The following BACH2 variants were observed in gnomAD, a reference collection of about 807,000 sequenced individuals.
BACH2 encodes transcription regulator protein BACH2.
BACH2 carries 5 observed loss-of-function variants against 61.8 expected under a neutral mutation model. That is an observed-to-expected ratio of 0.08 (90% CI 0.04 to 0.17). BACH2 has a LOEUF of 0.17. BACH2 is among the 10% of genes least tolerant of loss of function. The probability of loss-of-function intolerance (pLI) is 1.00; values close to 1 mark genes in which losing one functional copy is unlikely to be tolerated. For missense variants in BACH2, 824 were observed against 1,091.1 expected, an observed-to-expected ratio of 0.76 and a Z score of 3.45; for synonymous variants, 446 against 440.1, an observed-to-expected ratio of 1.01 and a Z score of -0.17.
chr6:89,989,556 C>T (rs190852931), intron 6 of BACH2, among the ~76,000 whole-genome samples: 43 of 152,046 alleles, frequency 2.8e-4, no homozygotes, highest in Non-Finnish European at 4.3e-4. Context: ...GGATATCCTC[C>T]GGGCGTGGAG....
chr6:90,253,169 G>C (rs1582535202), intron 2 of BACH2, among the ~76,000 whole-genome samples: 1 of 152,126 alleles, frequency 6.6e-6, no homozygotes, highest in South Asian at 2.1e-4. Context: ...GCTTGAGCCT[G>C]GGAGGTGAAG....
intron 6 of BACH2, among the ~76,000 whole-genome samples, chr6:89,977,655 T>C (rs1775726179): frequency 6.6e-6 from 1 of 152,254 alleles, no homozygotes; most frequent in Non-Finnish European, 1.5e-5. Flanking sequence ...CTTAGATCTG[T>C]CAAGCTCTAT....
chr6:89,954,469 T>G (rs1337292659), intron 6 of BACH2, among the ~76,000 whole-genome samples: 2 of 90,566 alleles, frequency 2.2e-5, no homozygotes, highest in African/African-American at 4.5e-5. Flanking sequence ...CCCACAACAG[T>G]CCCCAGAGTG....
At chr6:90,295,301 T>C (rs1772306492) in intron 1 of BACH2, among the ~76,000 whole-genome samples, 1 of 151,524 alleles carries the variant, frequency 6.6e-6, no homozygotes, top group South Asian at 2.1e-4. Flanking sequence ...CGCGGGAGAG[T>C]GCTGGGGATG....
chr6:90,056,564 G>C lies in BACH2; in HGVS notation c.-13+32397C>G, dbSNP rs567201018. Among the ~76,000 whole-genome samples the C allele has an allele frequency of 2.2e-3, 329 of 152,052 alleles. 10 individuals are homozygous for C. Among genetic ancestry groups the C allele is most frequent in the Admixed American group, 0.021 (325 of 15,276 alleles). On this transcript the variant is annotated intron_variant, in intron 5 of 8. Transcript: ENST00000257749. ...CACTGTCAACATCAGACAGATCAAC[G>C]AGACAGAAAGTTAACAAGGATACCC... is the stretch of plus-strand genomic sequence containing the variant.
chr6:90,028,675 A>G (rs1778771261), intron 5 of BACH2, among the ~76,000 whole-genome samples: 1 of 152,226 alleles, frequency 6.6e-6, no homozygotes, highest in African/African-American at 2.4e-5. Context: ...CGTGGGAAAC[A>G]GAATGACTCC....
At chr6:90,035,393 A>G (rs1779213549) in intron 5 of BACH2, among the ~76,000 whole-genome samples, 2 of 152,180 alleles carry the variant, frequency 1.3e-5, no homozygotes, top group African/African-American at 4.8e-5. Context: ...CAAGTGAACT[A>G]AACATACAGT....
At chr6:90,232,297 G>A (rs755676188) in intron 3 of BACH2, among the ~76,000 whole-genome samples, 11 of 152,120 alleles carry the variant, frequency 7.2e-5, no homozygotes, top group Non-Finnish European at 1.5e-4. Context: ...CTGCAGGCAG[G>A]CTCAACCCAA....
chr6:90,058,924 T>G (rs1780527909), intron 5 of BACH2, among the ~76,000 whole-genome samples: 1 of 152,254 alleles, frequency 6.6e-6, no homozygotes, highest in African/African-American at 2.4e-5. Context: ...TAGCCATATG[T>G]AGAAAGCTGA....
chr6:90,121,195 T>C (rs1783609650), intron 4 of BACH2, among the ~76,000 whole-genome samples: 3 of 152,194 alleles, frequency 2.0e-5, no homozygotes, highest in Non-Finnish European at 2.9e-5. Context: ...CGAGCCCACA[T>C]CAAAAGATTG....
At chr6:90,049,695 C>T (rs1779946815) in intron 5 of BACH2, among the ~76,000 whole-genome samples, 1 of 152,162 alleles carries the variant, frequency 6.6e-6, no homozygotes, top group Non-Finnish European at 1.5e-5. Context: ...GTGACAGTTT[C>T]ACTTATAAAG....
chr6:90,079,056 C>T (rs1781601321), intron 5 of BACH2, among the ~76,000 whole-genome samples: 1 of 152,206 alleles, frequency 6.6e-6, no homozygotes, highest in African/African-American at 2.4e-5. Context: ...AATGGGACAG[C>T]ACCATCAATG....
At chr6:89,986,951 A>G (rs1776275186) in intron 6 of BACH2, among the ~76,000 whole-genome samples, 1 of 152,200 alleles carries the variant, frequency 6.6e-6, no homozygotes, top group East Asian at 1.9e-4. Context: ...AAATTGAGCA[A>G]TGAGTAGCTG....
intron 8 of BACH2, among the ~76,000 whole-genome samples, chr6:89,933,356 A>G (rs187316403): frequency 6.6e-6 from 1 of 152,308 alleles, no homozygotes; most frequent in East Asian, 1.9e-4. Flanking sequence ...GGAAGCAGTA[A>G]AAAGATCTGT....
At chr6:90,052,505 C>T (rs566858635) in intron 5 of BACH2, among the ~76,000 whole-genome samples, 2 of 152,100 alleles carry the variant, frequency 1.3e-5, no homozygotes, top group African/African-American at 2.4e-5. Context: ...CTGCAACCTC[C>T]GTCTCCTGGG....
At chr6:89,948,372 A>G (rs551761189) in intron 7 of BACH2, among the ~76,000 whole-genome samples, 16 of 151,728 alleles carry the variant, frequency 1.1e-4, no homozygotes, top group Non-Finnish European at 2.4e-4. Context: ...ACGCCTGGCT[A>G]TTTTTTTATA....
At chr6:90,240,058 CAG>C (rs1258408674) in intron 3 of BACH2, among the ~76,000 whole-genome samples, 1 of 151,780 alleles carries the variant, frequency 6.6e-6, no homozygotes, top group Non-Finnish European at 1.5e-5. Context: ...AATACAAAAA[CAG>C]ATATATTTTA....
chr6:90,007,833 GA>G (rs1239499707), intron 6 of BACH2, among the ~76,000 whole-genome samples: 2 of 152,204 alleles, frequency 1.3e-5, no homozygotes, highest in South Asian at 2.1e-4. Context: ...GGTACACAGG[GA>G]ATGATTCTGC....
chr6:90,073,568 A>AC (rs1182283551), intron 5 of BACH2, among the ~76,000 whole-genome samples: 1 of 152,194 alleles, frequency 6.6e-6, no homozygotes, highest in Non-Finnish European at 1.5e-5. Context: ...TGGCCAGTTA[A>AC]CACATGCTCT....
Sources: allele counts gnomAD v4.1 joint callset (sites outside exome capture counted in the v4.1 genomes callset), GRCh38; gene constraint gnomAD v4.1.1; transcripts MANE v1.5; gene names NCBI Gene and HGNC (gene_info 2026-07-23, HGNC 2026-07-21).